The following TRERF1 variants were observed in gnomAD, a reference collection of about 807,000 sequenced individuals.
TRERF1 encodes transcriptional-regulating factor 1.
TRERF1 carries 27 observed loss-of-function variants against 122.9 expected under a neutral mutation model. That is an observed-to-expected ratio of 0.22 (90% CI 0.16 to 0.30). The LOEUF (loss-of-function observed/expected upper bound fraction) is 0.30, where lower values mean the gene tolerates loss of function less well. TRERF1 is among the 10% of genes least tolerant of loss of function. The pLI, the probability that TRERF1 is intolerant of heterozygous loss-of-function variation, is 1.00. For missense variants in TRERF1, 1,248 were observed against 1,560.3 expected, an observed-to-expected ratio of 0.80 and a Z score of 3.37; for synonymous variants, 636 against 641.7, an observed-to-expected ratio of 0.99 and a Z score of 0.13.
At chr6:42,315,609 G>T (rs1369455036) in intron 3 of TRERF1, among the ~76,000 whole-genome samples, 1 of 152,056 alleles carries the variant, frequency 6.6e-6, no homozygotes, top group Non-Finnish European at 1.5e-5. Flanking sequence ...GACAAAGGAG[G>T]TCAAATGAAG....
intron 2 of TRERF1, among the ~76,000 whole-genome samples, chr6:42,395,520 A>T (rs1778444596): frequency 1.3e-5 from 2 of 152,048 alleles, no homozygotes; most frequent in African/African-American, 4.8e-5. Context: ...GATTTTGCCC[A>T]CTCGGACTCA....
At chr6:42,296,147 G>T (rs570544598) in intron 4 of TRERF1, among the ~76,000 whole-genome samples, 13 of 152,300 alleles carry the variant, frequency 8.5e-5, no homozygotes, top group African/African-American at 2.9e-4. Flanking sequence ...AGCTCAGCGG[G>T]AGGGCCAAGA....
At chr6:42,225,503 G>A (rs530978802) in exon 18 of TRERF1, 1 of 151,846 alleles carries the variant, frequency 6.6e-6, no homozygotes, top group Admixed American at 6.6e-5. Context: ...TTATGAATAT[G>A]CTATACATAG....
At chr6:42,415,800 TTTC>T (rs1781753401) in intron 2 of TRERF1, among the ~76,000 whole-genome samples, 1 of 152,160 alleles carries the variant, frequency 6.6e-6, no homozygotes, top group Non-Finnish European at 1.5e-5. Context: ...GAACTTCCTT[TTTC>T]TTTTTTATAT....
chr6:42,448,548 C>G (rs1787936581), intron 2 of TRERF1, among the ~76,000 whole-genome samples: 1 of 152,142 alleles, frequency 6.6e-6, no homozygotes, highest in South Asian at 2.1e-4. Context: ...TCAGCTCACC[C>G]AAGTCCATGA....
At chr6:42,410,626 C>T (rs1780972130) in intron 2 of TRERF1, among the ~76,000 whole-genome samples, 1 of 152,126 alleles carries the variant, frequency 6.6e-6, no homozygotes, top group South Asian at 2.1e-4. Context: ...GTTGGAGGCT[C>T]CTCAGTCCCC....
chr6:42,413,436 T>C (rs2151476194), intron 2 of TRERF1, among the ~76,000 whole-genome samples: 1 of 150,236 alleles, frequency 6.7e-6, no homozygotes, highest in East Asian at 2.0e-4. Context: ...GCATTTTTTT[T>C]TTTTTTTTTT....
At chr6:42,408,283 A>ATGTGTGTGTATATATACATACT (rs1780560630) in intron 2 of TRERF1, among the ~76,000 whole-genome samples, 1 of 61,564 alleles carries the variant, frequency 1.6e-5, no homozygotes, top group African/African-American at 2.2e-4. Flanking sequence ...ATATACATAC[A>ATGTGTGTGTATATATACATACT]CATGTGTGTG....
At chr6:42,288,994 T>TGTGTGTGTGTGTGTGTGA (rs772469518) in intron 4 of TRERF1, among the ~76,000 whole-genome samples, 2 of 141,726 alleles carry the variant, frequency 1.4e-5, no homozygotes, top group Non-Finnish European at 3.1e-5. Context: ...TGTGTGTGTG[T>TGTGTGTGTGTGTGTGTGA]CAAAGCACAT....
intron 4 of TRERF1, among the ~76,000 whole-genome samples, chr6:42,272,498 A>C (rs1254748029): frequency 6.6e-6 from 1 of 152,216 alleles, no homozygotes; most frequent in Non-Finnish European, 1.5e-5. Context: ...TTAGAAATGC[A>C]GAATCTCAGG....
At chr6:42,312,927 G>C (rs948890880) in intron 3 of TRERF1, among the ~76,000 whole-genome samples, 3 of 152,166 alleles carry the variant, frequency 2.0e-5, no homozygotes, top group Admixed American at 6.5e-5. Context: ...CTTCAGACTA[G>C]AGCCACCAGC....
At chr6:42,281,008 G>A (rs1168649467) in intron 4 of TRERF1, among the ~76,000 whole-genome samples, 1 of 152,272 alleles carries the variant, frequency 6.6e-6, no homozygotes, top group East Asian at 1.9e-4. Flanking sequence ...GTGGACGGTG[G>A]GAGGGATGAT....
intron 3 of TRERF1, among the ~76,000 whole-genome samples, chr6:42,352,151 C>G: frequency 6.6e-6 from 1 of 152,110 alleles, no homozygotes; most frequent in Non-Finnish European, 1.5e-5. Flanking sequence ...ACCACAGGCA[C>G]ACACCCATGC....
At chr6:42,341,178 G>A (rs958505529) in intron 3 of TRERF1, among the ~76,000 whole-genome samples, 2 of 152,180 alleles carry the variant, frequency 1.3e-5, no homozygotes, top group Admixed American at 6.5e-5. Context: ...TTTGAACCCC[G>A]CTCTGTGTGA....
intron 2 of TRERF1, among the ~76,000 whole-genome samples, chr6:42,438,714 T>A (rs761592529): frequency 6.6e-6 from 1 of 152,250 alleles, no homozygotes; most frequent in Non-Finnish European, 1.5e-5. Flanking sequence ...TACTTGCCTT[T>A]TTAAAACTCT....
At chr6:42,272,642 T>C (rs933873874) in intron 4 of TRERF1, among the ~76,000 whole-genome samples, 1 of 152,144 alleles carries the variant, frequency 6.6e-6, no homozygotes, top group African/African-American at 2.4e-5. Context: ...TGAGGCATAA[T>C]TAAGACCAGA....
chr6:42,287,954 C>A (rs965565527), intron 4 of TRERF1, among the ~76,000 whole-genome samples: 34 of 152,060 alleles, frequency 2.2e-4, no homozygotes, highest in African/African-American at 7.5e-4. Context: ...CTCAGATACA[C>A]CCTGAGCACC....
chr6:42,305,995 C>CTTTTTTTTT lies in TRERF1; in HGVS notation c.-370-5255_-370-5247dup, dbSNP rs55700516. On this transcript the variant is annotated intron_variant, in intron 3 of 17. Transcript: ENST00000372922. ...CCCATTCTCTCTCCAAATATCTCTC[C>CTTTTTTTTT]TTTTTTTTTTTTTTTTTTTTTTTTG... Among the ~76,000 whole-genome samples, 23 of 69,498 alleles carry CTTTTTTTTT rather than the reference C, an allele frequency of 3.3e-4. 1 individual carries two copies. The highest frequency in any genetic ancestry group is 7.1e-4 in the Admixed American group (3 of 4,240). 45.6% of individuals were successfully genotyped at this position (69,498 alleles called of 152,430 possible). A position where few individuals can be genotyped will look rare whatever the true frequency, so the allele number is the denominator to read the frequency against.
intron 2 of TRERF1, among the ~76,000 whole-genome samples, chr6:42,406,547 G>GT (rs148080289): frequency 5.8e-4 from 89 of 152,308 alleles, no homozygotes; most frequent in African/African-American, 2.0e-3. Context: ...GCTCCAATGA[G>GT]TTAACAGACC....
Sources: gnomAD v4.1 joint callset for allele counts (sites outside exome capture counted in the v4.1 genomes callset) on GRCh38, gnomAD v4.1.1 for gene constraint, MANE v1.5 for transcripts, NCBI Gene and HGNC (gene_info 2026-07-23, HGNC 2026-07-21) for gene names.